GALNT18: variants seen among roughly 807,000 people sequenced by gnomAD.
The protein encoded by GALNT18 is GalNAc-transferase 18.
GALNT18 carries 44 observed loss-of-function variants against 69.5 expected under a neutral mutation model. The observed-to-expected ratio is 0.63, with a 90% CI of 0.50 to 0.81. The LOEUF (loss-of-function observed/expected upper bound fraction) is 0.81, where lower values mean the gene tolerates loss of function less well. Ranked by LOEUF, GALNT18 falls within the 40% of genes least tolerant of loss-of-function variation. The pLI, the probability that GALNT18 is intolerant of heterozygous loss-of-function variation, is 0.00. For synonymous variants in GALNT18, 364 were observed against 318.2 expected, an observed-to-expected ratio of 1.14 and a Z score of -1.53; for missense variants, 715 against 810.0, an observed-to-expected ratio of 0.88 and a Z score of 1.42.
At chr11:11,575,428 G>A (rs1194592620) in intron 1 of GALNT18, among the ~76,000 whole-genome samples, 2 of 152,178 alleles carry the variant, frequency 1.3e-5, no homozygotes, top group African/African-American at 4.8e-5. Flanking sequence ...CCCACCCTCT[G>A]ACCTCTCAGG....
intron 10 of GALNT18, among the ~76,000 whole-genome samples, chr11:11,289,258 A>G (rs1849254601): frequency 6.6e-6 from 1 of 152,250 alleles, no homozygotes; most frequent in Non-Finnish European, 1.5e-5. Flanking sequence ...ATTATTAAAT[A>G]GCAAGTGAGA....
In GALNT18 at chr11:11,604,948, T is replaced by TA. The variant is rs1027041865; in HGVS notation, c.235+16410dup. 9.9e-4 allele frequency among the ~76,000 whole-genome samples: 149 copies of TA among 151,210 alleles called. 1 individual carries two copies. The highest frequency in any genetic ancestry group is 1.9e-3 in the Admixed American group (29 of 15,200). On this transcript the variant is annotated intron_variant, in intron 1 of 10. Coordinates refer to ENST00000227756, the MANE Select transcript of GALNT18 (RefSeq NM_198516.3). This position sits in a 1 kb window ranked among gnomAD's most constrained non-coding sequence, Gnocchi z 5.6. ...GCTCCTGGCCGTGAGTCTGCGGAGG[T>TA]AAAAAAAAAGAATGGAATAGTCCTT...
chr11:11,575,298 A>G (rs963216687), intron 1 of GALNT18, among the ~76,000 whole-genome samples: 1 of 152,162 alleles, frequency 6.6e-6, no homozygotes, highest in Non-Finnish European at 1.5e-5. Flanking sequence ...TGAGGCTGCC[A>G]CATCTTTGAT....
intron 1 of GALNT18, among the ~76,000 whole-genome samples, chr11:11,471,763 A>C (rs933952463): frequency 1.3e-5 from 2 of 152,194 alleles, no homozygotes. Flanking sequence ...GGCAGGATAG[A>C]AATTCTGTAG....
At position 11,396,161 on chromosome 11, in the gene GALNT18, G is replaced by C. The variant is rs12221888; in HGVS notation, c.596-16897C>G. ...GTCTGGGCAGGAAACCGAGGAACTC[G>C]GATAGCTGTGTGATACATTCATTGC... is the stretch of plus-strand genomic sequence containing the variant. On this transcript the variant is annotated intron_variant, in intron 3 of 10. Coordinates refer to ENST00000227756, the MANE Select transcript of GALNT18 (RefSeq NM_198516.3). This position sits in a 1 kb window ranked among gnomAD's most constrained non-coding sequence, Gnocchi z 5.2. Among the ~76,000 whole-genome samples the C allele has an allele frequency of 6.6e-6, 1 of 152,226 alleles. No homozygotes were observed. The highest frequency in any genetic ancestry group is 1.9e-4 in the East Asian group (1 of 5,198).
At chr11:11,567,054 G>C (rs1007219199) in intron 1 of GALNT18, among the ~76,000 whole-genome samples, 1 of 152,168 alleles carries the variant, frequency 6.6e-6, no homozygotes, top group Non-Finnish European at 1.5e-5. Flanking sequence ...TGACATTCGG[G>C]CCTCAGAAGC....
rs1856052653 is a variant in GALNT18, at chr11:11,461,910, TACC to T, written c.236-12977_236-12975del. Among the ~76,000 whole-genome samples, 1 of 152,232 alleles carries T rather than the reference TACC, an allele frequency of 6.6e-6. No homozygotes were observed. The highest frequency in any genetic ancestry group is 1.5e-5 in the Non-Finnish European group (1 of 68,040). ...TGAATGAAGCTGCAAAAATCATATG[TACC>T]TTTCATCTGTAATATTACTCTATCA... On this transcript the variant is annotated intron_variant, in intron 1 of 10. Transcript: ENST00000227756. This position sits in a 1 kb window ranked among gnomAD's most constrained non-coding sequence, Gnocchi z 4.1.
chr11:11,281,352 G>A (rs1849070877), intron 10 of GALNT18, among the ~76,000 whole-genome samples: 2 of 152,166 alleles, frequency 1.3e-5, no homozygotes, highest in South Asian at 4.1e-4. Flanking sequence ...TGAGCCAGAG[G>A]ACTGATAGGA....
chr11:11,281,847 C>T (rs1024700478), intron 10 of GALNT18, among the ~76,000 whole-genome samples: 4 of 151,938 alleles, frequency 2.6e-5, no homozygotes, highest in African/African-American at 4.8e-5. Context: ...ACACAACCTC[C>T]GTGAGAATAT....
chr11:11,555,436 G>A lies in GALNT18; in HGVS notation c.235+65923C>T, dbSNP rs1040568567. ...ACAGCATCAGCCCAGGAGTGGCCAC[G>A]TGCCAGCAGGCGTGCAGCTTAAAAC... On this transcript the variant is annotated intron_variant, in intron 1 of 10. Coordinates refer to ENST00000227756, the MANE Select transcript of GALNT18 (RefSeq NM_198516.3). The surrounding 1 kb of genome is among the most constrained non-coding windows in gnomAD (Gnocchi z 4.7). Among the ~76,000 whole-genome samples, 12 of 152,194 alleles carry A rather than the reference G, an allele frequency of 7.9e-5. No individual in the cohort carries two copies. Among genetic ancestry groups the A allele is most frequent in the Non-Finnish European group, 1.2e-4 (8 of 68,038 alleles).
At chr11:11,331,668 G>T (rs945237691) in intron 8 of GALNT18, among the ~76,000 whole-genome samples, 1 of 152,124 alleles carries the variant, frequency 6.6e-6, no homozygotes, top group Non-Finnish European at 1.5e-5. Context: ...CCAGAAGCTG[G>T]TTTTTTAGAC....
rs896998364 is a variant in GALNT18 at position 11,494,234 on chromosome 11, A to G, written c.236-45298T>C. Among the ~76,000 whole-genome samples the G allele has an allele frequency of 1.1e-4, 16 of 152,314 alleles. No homozygotes were observed. Among genetic ancestry groups the G allele is most frequent in the Admixed American group, 1.3e-4 (2 of 15,294 alleles). On this transcript the variant is annotated intron_variant, in intron 1 of 10. Coordinates refer to ENST00000227756, the MANE Select transcript of GALNT18 (RefSeq NM_198516.3). The surrounding 1 kb of genome is among the most constrained non-coding windows in gnomAD (Gnocchi z 5.7). ...AGCTAAACACAGGAGGATGAATTCA[A>G]GTCTCCAGCAGAAAACAAGCACTGC... is the stretch of plus-strand genomic sequence containing the variant.
chr11:11,399,724 T>C lies in GALNT18; in HGVS notation c.596-20460A>G, dbSNP rs560617262. 2.0e-5 allele frequency among the ~76,000 whole-genome samples: 3 copies of C among 152,350 alleles called. No individual in the cohort carries two copies. In the South Asian group the frequency reaches 6.2e-4, roughly 32 times the overall value. The stretch of plus-strand genomic sequence containing the variant: ...TCTGCCTCACTGGGTGTATGATTTA[T>C]GTTATAAATTAGGAACAATAACAGA... On this transcript the variant is annotated intron_variant, in intron 3 of 10. Coordinates refer to ENST00000227756, the MANE Select transcript of GALNT18 (RefSeq NM_198516.3).
chr11:11,607,185 C>T (rs976380372), intron 1 of GALNT18, among the ~76,000 whole-genome samples: 1 of 152,142 alleles, frequency 6.6e-6, no homozygotes, highest in Non-Finnish European at 1.5e-5. Context: ...ATTACAAACT[C>T]GAAAATACTT....
chr11:11,436,557 AG>A lies in GALNT18; in HGVS notation c.429-3771del, dbSNP rs146545916. ...GCCCACTGCCTCACACCATGATGCAAGCAGCAGGTCTTCCATTGGTGTTTGT... is the reference window on the plus strand; with the variant it reads ...GCCCACTGCCTCACACCATGATGCAACAGCAGGTCTTCCATTGGTGTTTGT... On this transcript the variant is annotated intron_variant, in intron 2 of 10. Coordinates refer to ENST00000227756, the MANE Select transcript of GALNT18 (RefSeq NM_198516.3). The surrounding 1 kb of genome is among the most constrained non-coding windows in gnomAD (Gnocchi z 4.5). 0.011 allele frequency among the ~76,000 whole-genome samples: 1,698 copies of A among 152,298 alleles called. 40 individuals carry two copies. The highest frequency in any genetic ancestry group is 0.039 in the African/African-American group (1,612 of 41,566).
chr11:11,297,576 C>T (rs1039295271), intron 9 of GALNT18, among the ~76,000 whole-genome samples: 4 of 152,160 alleles, frequency 2.6e-5, no homozygotes, highest in African/African-American at 9.7e-5. Context: ...AGGACTTCCA[C>T]TGTGATCCCT....
chr11:11,378,975 C>T (rs1216971351), intron 4 of GALNT18, 106 bp downstream of exon 4: 5 of 1,078,648 alleles, frequency 4.6e-6, no homozygotes, highest in Non-Finnish European at 5.2e-6. Flanking sequence ...CCAGAATTAC[C>T]TCTTTTCCCT....
Position 11,581,400 on chromosome 11 carries a change from G to T in GALNT18, c.235+39959C>A, listed in dbSNP as rs192138405. ...TGTGTGATTCCTGCCTTCTGGGGATGCCTGCCAGGATTTTCTGCTTCCCTC... is the reference window on the plus strand; with the variant it reads ...TGTGTGATTCCTGCCTTCTGGGGATTCCTGCCAGGATTTTCTGCTTCCCTC... On this transcript the variant is annotated intron_variant, in intron 1 of 10. Transcript: ENST00000227756. 4.6e-5 allele frequency among the ~76,000 whole-genome samples: 7 copies of T among 152,306 alleles called. No homozygotes were observed. The East Asian group carries it at 1.4e-3, about 29-fold the overall frequency.
intron 2 of GALNT18, among the ~76,000 whole-genome samples, chr11:11,443,769 C>T (rs1440288061): frequency 3.9e-5 from 6 of 152,354 alleles, no homozygotes. Flanking sequence ...GGAGGCTTCA[C>T]CAGAGGAGTC....
Sources: gnomAD v4.1 joint callset for allele counts (sites outside exome capture counted in the v4.1 genomes callset) on GRCh38, gnomAD v4.1.1 for gene constraint, Gnocchi (gnomAD v3.1) non-coding constraint, MANE v1.5 for transcripts, NCBI Gene and HGNC (gene_info 2026-07-23, HGNC 2026-07-21) for gene names.